Variants in SNF8 observed in about 807,000 individuals in gnomAD.
SNF8 encodes the protein SNF8 subunit of ESCRT-II, also known as vacuolar-sorting protein SNF8.
Under a neutral mutation model 36.8 loss-of-function variants are expected in SNF8, and 19 were observed. That is an observed-to-expected ratio of 0.52 (90% CI 0.36 to 0.76). The LOEUF (loss-of-function observed/expected upper bound fraction) is 0.76. SNF8 is among the 30% of genes least tolerant of loss of function. The pLI is 0.00. For missense variants in SNF8, 268 were observed against 322.9 expected (o/e 0.83, Z 1.30); for synonymous variants, 127 against 127.4 (o/e 1.00, Z 0.02).
Position 48,944,788 on chromosome 17 carries a change from C to A in SNF8, c.-54G>T. ...CTGCCGGGACCCCGGGTCTCCACGT[C>A]CCGGACTCCGCCGCCGGCTCCCCAA... On this transcript the variant is annotated 5_prime_UTR_variant, in exon 1 of 8. Transcript: ENST00000502492. The A allele has an allele frequency of 1.3e-6, 2 of 1,529,972 alleles. No individual in the cohort carries two copies. The highest frequency in any genetic ancestry group is 1.7e-6 in the Non-Finnish European group (2 of 1,149,060). The allele number at this position is 1,529,972 out of a possible 1,614,324, so 94.8% of individuals were successfully genotyped here. A position where few individuals can be genotyped will look rare whatever the true frequency, so the allele number is the denominator to read the frequency against.
chr17:48,937,268 C>CA (rs751384702), intron 3 of SNF8, 144 bp from the exon 4 acceptor site: 12 of 734,420 alleles, frequency 1.6e-5, no homozygotes, highest in Admixed American at 1.0e-4. Flanking sequence ...ACTCAGGAAA[C>CA]AATCGGACTC....
At chr17:48,932,905 A>G (rs1282878522) in intron 6 of SNF8, 2 of 300,684 alleles carry the variant, frequency 6.7e-6, no homozygotes, top group Non-Finnish European at 1.2e-5. Flanking sequence ...AAAGACATCA[A>G]AGAGTCTGGC....
chr17:48,931,582 A>T (rs1260225495), intron 7 of SNF8, 61 bp downstream of exon 7: 1 of 1,368,848 alleles, frequency 7.3e-7, no homozygotes, highest in Non-Finnish European at 1.0e-6. Context: ...GCATTTGTGG[A>T]ACCCACATCC....
intron 2 of SNF8, among the ~76,000 whole-genome samples, chr17:48,942,742 C>A (rs1408931971): frequency 6.6e-6 from 1 of 152,028 alleles, no homozygotes; most frequent in African/African-American, 2.4e-5. Flanking sequence ...CACTTACTAC[C>A]CATATAACCT....
At chr17:48,940,238 G>A (rs961347736) in intron 3 of SNF8, among the ~76,000 whole-genome samples, 15 of 151,644 alleles carry the variant, frequency 9.9e-5, no homozygotes, top group African/African-American at 1.9e-4. Context: ...ATGGAGTCTC[G>A]CCATGTTGCC....
chr17:48,944,053 C>G, intron 1 of SNF8, 78 bp from the exon 2 acceptor site: 1 of 1,444,950 alleles, frequency 6.9e-7, no homozygotes, highest in Non-Finnish European at 9.7e-7. Flanking sequence ...CCTGTAATCC[C>G]AGAACTTTGG....
intron 2 of SNF8, among the ~76,000 whole-genome samples, chr17:48,942,891 A>T (rs2041051380): frequency 2.9e-5 from 3 of 103,036 alleles, no homozygotes; most frequent in Non-Finnish European, 3.6e-5. Flanking sequence ...TTTGAGATGG[A>T]GTCTTGCTCT....
chr17:48,936,803 T>C (rs2040940890), intron 4 of SNF8: 1 of 589,422 alleles, frequency 1.7e-6, no homozygotes, highest in South Asian at 2.0e-5. Flanking sequence ...TAGACCTTCC[T>C]GGCCAAAGAT....
At position 48,930,316 on chromosome 17, in the gene SNF8, A is replaced by G. The variant is rs2143787640; in HGVS notation, c.*159T>C. The G allele has an allele frequency of 7.9e-6, 6 of 756,632 alleles. No homozygotes were observed. In the South Asian group the frequency reaches 1.6e-4, roughly 20 times the overall value. 46.9% of individuals were successfully genotyped at this position (756,632 alleles called of 1,614,324 possible). A position where few individuals can be genotyped will look rare whatever the true frequency, so the allele number is the denominator to read the frequency against. ...TGAACGAGCGAGGTTTTCCTCCAAT[A>G]AAAATGCAACGTGAAGGCACTTTTC... On this transcript the variant is annotated 3_prime_UTR_variant, in exon 8 of 8. Transcript: ENST00000502492.
rs898016971 is a variant in SNF8 at position 48,944,803 on chromosome 17, C to T, written c.-69G>A. 2.4e-5 allele frequency: 36 copies of T among 1,478,712 alleles called. No homozygotes were observed. The East Asian group carries it at 9.4e-4, about 39-fold the overall frequency. 91.6% of individuals were successfully genotyped at this position (1,478,712 alleles called of 1,614,324 possible). ...GTCTCCACGTCCCGGACTCCGCCGC[C>T]GGCTCCCCAAGGCGGAAGCCCGAGC... On this transcript the variant is annotated 5_prime_UTR_variant, in exon 1 of 8. Transcript: ENST00000502492.
intron 4 of SNF8, 101 bp from the exon 5 acceptor site, chr17:48,936,343 T>G (rs1224586288): frequency 1.7e-5 from 14 of 825,788 alleles, no homozygotes; most frequent in Non-Finnish European, 2.7e-5. Context: ...GCAAATAACA[T>G]TCTAGTTCCT....
intron 5 of SNF8, among the ~76,000 whole-genome samples, chr17:48,935,325 A>C (rs549495812): frequency 9.2e-5 from 14 of 151,992 alleles, no homozygotes; most frequent in Non-Finnish European, 1.8e-4. Flanking sequence ...CATCCTGGCT[A>C]ACACAGTGAA....
chr17:48,930,367 G>GA lies in SNF8; in HGVS notation c.*107dup. ...AAAAATAAAAGAATGAGGGAAGAAA[G>GA]AAAAACTTGGAACTTTTTTTCTATT... On this transcript the variant is annotated 3_prime_UTR_variant, in exon 8 of 8. Transcript: ENST00000502492. The GA allele has an allele frequency of 8.7e-6, 11 of 1,263,066 alleles. No homozygotes were observed. The highest frequency in any genetic ancestry group is 1.1e-5 in the Non-Finnish European group (11 of 967,068). 78.2% of individuals were successfully genotyped at this position (1,263,066 alleles called of 1,614,324 possible).
At chr17:48,939,279 A>AC (rs1041918483) in intron 3 of SNF8, among the ~76,000 whole-genome samples, 15 of 151,118 alleles carry the variant, frequency 9.9e-5, no homozygotes, top group African/African-American at 3.6e-4. Flanking sequence ...AAAAAAAAAA[A>AC]AAAAACACTG....
At chr17:48,938,427 C>T (rs1376501377) in intron 3 of SNF8, among the ~76,000 whole-genome samples, 4 of 143,690 alleles carry the variant, frequency 2.8e-5, no homozygotes, top group East Asian at 2.0e-4. Context: ...ACCTGGGTGG[C>T]GAAGGTTGCA....
At chr17:48,933,916 G>A (rs759755278) in intron 5 of SNF8, among the ~76,000 whole-genome samples, 10 of 152,232 alleles carry the variant, frequency 6.6e-5, no homozygotes, top group East Asian at 1.9e-4. Flanking sequence ...ATCAGGAAAT[G>A]TGAATGAGTG....
rs373704961 is a variant in SNF8 at position 48,934,610 on chromosome 17, C to CAA, written c.423-1266_423-1265dup. The CAA allele has an allele frequency of 1.2e-4, 18 of 146,898 alleles. No homozygotes were observed. The South Asian group carries it at 1.8e-3, about 14-fold the overall frequency. 9.1% of individuals were successfully genotyped at this position (146,898 alleles called of 1,614,324 possible). ...CAGAGCAAGAGTCCATTTCAAAAAACAAAAAAAAAAAGTAGAGATGACGTC... is the reference window on the plus strand; with the variant it reads ...CAGAGCAAGAGTCCATTTCAAAAAACAAAAAAAAAAAAAGTAGAGATGACGTC... On this transcript the variant is annotated intron_variant, in intron 5 of 7. Transcript: ENST00000502492.
At chr17:48,938,877 A>C (rs954617626) in intron 3 of SNF8, among the ~76,000 whole-genome samples, 1 of 151,388 alleles carries the variant, frequency 6.6e-6, no homozygotes, top group Admixed American at 6.6e-5. Flanking sequence ...CCGTCTCAAA[A>C]AAAAAAAAAA....
Position 48,940,968 on chromosome 17 carries a change from T to A in SNF8, c.200A>T (p.Gln67Leu). 6.2e-7 allele frequency: 1 copy of A among 1,613,068 alleles called. No homozygotes were observed. The highest frequency in any genetic ancestry group is 1.1e-5 in the South Asian group (1 of 91,032). ...EIRKNPEFRV[Q>L]FQDMCATIGV... Reference sequence around the variant, plus strand: ...AATGGTTGCACACATGTCCTGGAACTGCACACGGAACTCAGGATTCTTCCG... The same window carrying A: ...AATGGTTGCACACATGTCCTGGAACAGCACACGGAACTCAGGATTCTTCCG... The change falls in exon 3 of 8, where the codon CAG (glutamine) becomes CTG (leucine). Residue 67 changes from glutamine (Q) to leucine (L), a missense_variant. By Grantham distance (113) the Gln-to-Leu change is moderately radical. Transcript: ENST00000502492.
Sources: allele counts gnomAD v4.1 joint callset (sites outside exome capture counted in the v4.1 genomes callset), GRCh38; gene constraint gnomAD v4.1.1; transcripts MANE v1.5; gene names NCBI Gene and HGNC (gene_info 2026-07-23, HGNC 2026-07-21).